Variants in CUL9 observed in about 807,000 individuals in gnomAD.
CUL9 encodes the protein cullin-9.
CUL9 carries 79 observed loss-of-function variants against 272.6 expected under a neutral mutation model. The ratio of observed to expected loss-of-function variants is 0.29; its 90% CI spans 0.24 to 0.35. CUL9 has a LOEUF of 0.35. Ranked by LOEUF, CUL9 falls within the 10% of genes least tolerant of loss-of-function variation. The probability of loss-of-function intolerance (pLI) is 1.00; values close to 1 mark genes in which losing one functional copy is unlikely to be tolerated. For synonymous variants in CUL9, 1,186 were observed against 1,286.5 expected (o/e 0.92, Z 1.67); for missense variants, 2,532 against 3,255.6 (o/e 0.78, Z 5.41).
At position 43,216,242 on chromosome 6, in the gene CUL9, G is replaced by T; in HGVS notation, c.6021G>T (p.Lys2007Asn). The change falls in exon 31 of 41, where the codon AAG becomes AAT. Residue 2007 changes from lysine to asparagine, a missense_variant. By Grantham distance (94) the Lys-to-Asn change is moderately conservative. Transcript: ENST00000252050. ...MSPQEVEGLMKQTVRQVQETL... is the reference protein window; with the variant it reads ...MSPQEVEGLMNQTVRQVQETL... ...CCCAGGAAGTAGAAGGGTTGATGAA[G>T]CAGACGGTGCGTCAGGTGCAGGAGA... 6.2e-7 allele frequency: 1 copy of T among 1,613,810 alleles called. No individual in the cohort carries two copies. Among genetic ancestry groups the T allele is most frequent in the Non-Finnish European group, 8.5e-7 (1 of 1,179,800 alleles).
chr6:43,216,073 G>T, intron 30 of CUL9, 85 bp from the exon 31 acceptor site: 1 of 1,288,576 alleles, frequency 7.8e-7, no homozygotes. Flanking sequence ...TGCTCAAAGA[G>T]GGAGCTGGGG....
Position 43,188,632 on chromosome 6 carries a change from T to C in CUL9, c.2097T>C (p.Leu699=). ...CCAGCTTGGACACAAACCTGCAGCT[T>C]TCAGGGCTCTCTGCCCTCTCTCAGG... The part of the protein sequence containing the change: ...QISSLDTNLQ[L]SGLSALSQAV... The change falls in exon 8 of 41, where the codon CTT becomes CTC. Residue 699 remains leucine, a synonymous_variant. Transcript: ENST00000252050. 1 of 1,614,146 alleles carries C rather than the reference T, an allele frequency of 6.2e-7. No homozygotes were observed. Among genetic ancestry groups the C allele is most frequent in the South Asian group, 1.1e-5 (1 of 91,084 alleles).
intron 26 of CUL9, among the ~76,000 whole-genome samples, chr6:43,209,493 T>C (rs1045770393): frequency 2.0e-5 from 3 of 151,550 alleles, no homozygotes; most frequent in Non-Finnish European, 4.4e-5. Context: ...TATGACTTCA[T>C]TTTTTTGTCC....
rs766481451 is a variant in CUL9 at position 43,213,182 on chromosome 6, A to G, written c.5246A>G (p.His1749Arg). Residue 1749 changes from histidine to arginine, a missense_variant, in exon 27 of 41, where the codon CAT becomes CGT. Around this residue, in one of 3 missense-constraint regions of CUL9, gnomAD observed 2,218 missense variants for 2,788.6 expected, o/e 0.80. Transcript: ENST00000252050. This position sits in a 1 kb window ranked among gnomAD's most constrained non-coding sequence, Gnocchi z 5.7. Reference sequence around the variant, plus strand: ...CATCCAGTCCTGGACATGGGACCACATCGGCGACTGCAGTGGACGTGGCTG... The same window carrying G: ...CATCCAGTCCTGGACATGGGACCACGTCGGCGACTGCAGTGGACGTGGCTG... ...QNHPVLDMGPHRRLQWTWLGR... is the reference protein window; with the variant it reads ...QNHPVLDMGPRRRLQWTWLGR... 6 of 1,614,152 alleles carry G rather than the reference A, an allele frequency of 3.7e-6. No homozygotes were observed. The highest frequency in any genetic ancestry group is 1.1e-5 in the South Asian group (1 of 91,076).
rs778523219 is a variant in CUL9, at chr6:43,196,084, G to A, written c.2404G>A (p.Ala802Thr). The A allele has an allele frequency of 6.2e-7, 1 of 1,612,888 alleles. No individual in the cohort carries two copies. The highest frequency in any genetic ancestry group is 8.5e-7 in the Non-Finnish European group (1 of 1,179,138). Residue 802 changes from alanine to threonine, a missense_variant, in exon 10 of 41, where the codon GCC becomes ACC. Physicochemically the swap from Ala to Thr is moderately conservative, Grantham distance 58 (BLOSUM62 0). This residue lies in a region of CUL9 where 2,218 missense variants were observed against 2,788.6 expected (regional missense o/e 0.80). Coordinates refer to ENST00000252050, the MANE Select transcript of CUL9 (RefSeq NM_015089.4). ...QAGLAALKML[A>T]VASSSEIPTF... ...CCCCTCACAGGCACTGAAGATGCTG[G>A]CCGTCGCCAGCTCCTCGGAGATCCC...
At position 43,185,457 on chromosome 6, in the gene CUL9, G is replaced by A. The variant is rs1265625223; in HGVS notation, c.597G>A (p.Gly199=). ...MLQALAAHDA[G]SRAHVLLSLS... ...ATATGGATTGGGTATGGATTACAGG[G>A]AGTCGGGCTCACGTCCTTCTATCAC... The change falls in exon 3 of 41, where the codon GGG becomes GGA. Residue 199 remains glycine, a splice_region_variant and synonymous_variant. Coordinates refer to ENST00000252050, the MANE Select transcript of CUL9 (RefSeq NM_015089.4). The A allele has an allele frequency of 1.9e-6, 3 of 1,613,402 alleles. No individual in the cohort carries two copies. Among genetic ancestry groups the A allele is most frequent in the Admixed American group, 1.7e-5 (1 of 60,020 alleles).
At position 43,184,696 on chromosome 6, in the gene CUL9, A is replaced by G. The variant is rs778326542; in HGVS notation, c.386A>G (p.Gln129Arg). 6 of 1,613,382 alleles carry G rather than the reference A, an allele frequency of 3.7e-6. No individual in the cohort carries two copies. In the South Asian group the frequency reaches 6.6e-5, roughly 18 times the overall value. Reference protein sequence around the residue: ...VQALVRRAARQLAESGTPSLT... With the variant: ...VQALVRRAARRLAESGTPSLT... ...GCGCTGGTACGCAGGGCGGCCAGGCAGCTGGCAGAAAGTGGGACCCCAAGC... is the reference window on the plus strand; with the variant it reads ...GCGCTGGTACGCAGGGCGGCCAGGCGGCTGGCAGAAAGTGGGACCCCAAGC... Residue 129 changes from glutamine (Q) to arginine (R), a missense_variant, in exon 2 of 41, where the codon CAG becomes CGG. Around this residue, in one of 3 missense-constraint regions of CUL9, gnomAD observed 2,218 missense variants for 2,788.6 expected, o/e 0.80. Coordinates refer to ENST00000252050, the MANE Select transcript of CUL9 (RefSeq NM_015089.4). The surrounding 1 kb of genome is among the most constrained non-coding windows in gnomAD (Gnocchi z 4.8).
At chr6:43,219,910 A>G (rs1186121766) in intron 31 of CUL9, among the ~76,000 whole-genome samples, 2 of 152,110 alleles carry the variant, frequency 1.3e-5, no homozygotes, top group African/African-American at 2.4e-5. Context: ...AACACTGGTG[A>G]CGAGGGGGAC....
chr6:43,221,059 C>T lies in CUL9; in HGVS notation c.6589-99C>T. 6.7e-7 allele frequency: 1 copy of T among 1,495,606 alleles called. No homozygotes were observed. The highest frequency in any genetic ancestry group is 1.3e-5 in the South Asian group (1 of 78,086). The allele number at this position is 1,495,606 out of a possible 1,614,324, so 92.6% of individuals were successfully genotyped here. A position where few individuals can be genotyped will look rare whatever the true frequency, so the allele number is the denominator to read the frequency against. Reference sequence around the variant, plus strand: ...GAGCTCTGTTCCTCTTCCTGGAGCCCTCCAAATGTGATCTGTGCCTGCTCC... The same window carrying T: ...GAGCTCTGTTCCTCTTCCTGGAGCCTTCCAAATGTGATCTGTGCCTGCTCC... On this transcript the variant is annotated intron_variant, in intron 33 of 40. Transcript: ENST00000252050. This position sits in a 1 kb window ranked among gnomAD's most constrained non-coding sequence, Gnocchi z 4.2.
chr6:43,210,759 GAATT>G (rs977110773), intron 26 of CUL9, among the ~76,000 whole-genome samples: 23 of 151,866 alleles, frequency 1.5e-4, no homozygotes, highest in African/African-American at 4.1e-4. Flanking sequence ...TAAACTCAAT[GAATT>G]AATTTATTAT....
At chr6:43,193,240 A>G in intron 9 of CUL9, 32 bp downstream of exon 9, 1 of 1,601,630 alleles carries the variant, frequency 6.2e-7, no homozygotes, top group South Asian at 1.1e-5. Flanking sequence ...GGAGAGAACA[A>G]TGGGCAAGAC....
chr6:43,215,538 C>T (rs1231088186), intron 30 of CUL9, among the ~76,000 whole-genome samples: 1 of 152,176 alleles, frequency 6.6e-6, no homozygotes, highest in Non-Finnish European at 1.5e-5. Context: ...TGAGTGCTAA[C>T]TATGTACTCT....
intron 8 of CUL9, among the ~76,000 whole-genome samples, chr6:43,189,260 GCT>G (rs1473965764): frequency 6.6e-6 from 1 of 151,780 alleles, no homozygotes; most frequent in African/African-American, 2.4e-5. Flanking sequence ...CGCGATCTCG[GCT>G]CACTGCAACC....
At chr6:43,183,467 A>G (rs1184626210) in intron 1 of CUL9, among the ~76,000 whole-genome samples, 2 of 152,020 alleles carry the variant, frequency 1.3e-5, no homozygotes, top group Non-Finnish European at 2.9e-5. Flanking sequence ...TTACTCTGTC[A>G]TTTATGCTCC....
chr6:43,189,827 C>T (rs1272263150), intron 8 of CUL9, among the ~76,000 whole-genome samples: 1 of 152,212 alleles, frequency 6.6e-6, no homozygotes, highest in Non-Finnish European at 1.5e-5. Context: ...AGCCACCATG[C>T]CCAGCCGCAT....
Position 43,200,612 on chromosome 6 carries a change from T to G in CUL9, c.3476-51T>G, listed in dbSNP as rs1172098617. 1.2e-6 allele frequency: 2 copies of G among 1,613,346 alleles called. No individual in the cohort carries two copies. The highest frequency in any genetic ancestry group is 1.7e-6 in the Non-Finnish European group (2 of 1,179,534). ...CCTGCTCCTTAGACCTTTTCCTTTT[T>G]CCTCTCAACTAACCTAGCTGTGACT... On this transcript the variant is annotated intron_variant, in intron 15 of 40. Transcript: ENST00000252050. The surrounding 1 kb of genome is among the most constrained non-coding windows in gnomAD (Gnocchi z 4.0).
In CUL9 at chr6:43,184,349, C is replaced by T. The variant is rs780806764; in HGVS notation, c.39C>T (p.Pro13=). The T allele has an allele frequency of 8.9e-6, 14 of 1,578,500 alleles. No homozygotes were observed. In the Admixed American group the frequency reaches 2.3e-4, roughly 26 times the overall value. Residue 13 remains proline (P), a synonymous_variant, in exon 2 of 41, where the codon CCC becomes CCT. Coordinates refer to ENST00000252050, the MANE Select transcript of CUL9 (RefSeq NM_015089.4). The surrounding 1 kb of genome is among the most constrained non-coding windows in gnomAD (Gnocchi z 4.8). The part of the protein sequence containing the change: ...GERHAGDLMV[P]LGPRLQAYPE... ...GGCATGCTGGGGACCTCATGGTGCC[C>T]TTAGGGCCTCGGCTGCAGGCATATC...
At chr6:43,187,187 G>T (rs539923389) in intron 5 of CUL9, 59 bp from the exon 6 acceptor site, 1 of 1,605,528 alleles carries the variant, frequency 6.2e-7, no homozygotes, top group African/African-American at 1.3e-5. Flanking sequence ...AGCCCTAGGG[G>T]TCCAGAAATA....
rs1488237825 is a variant in CUL9 at position 43,223,054 on chromosome 6, G to T, written c.7150+158G>T. ...CTCACTGCCTGGCTGTTAAAGCTCA[G>T]GTCGAAAGCCTACATTGTAAGGTGC... On this transcript the variant is annotated intron_variant, in intron 38 of 40. Transcript: ENST00000252050. The surrounding 1 kb of genome is among the most constrained non-coding windows in gnomAD (Gnocchi z 4.1). The T allele has an allele frequency of 2.9e-5, 26 of 902,084 alleles. No homozygotes were observed. Among genetic ancestry groups the T allele is most frequent in the Non-Finnish European group, 4.4e-5 (26 of 592,916 alleles). 55.9% of individuals were successfully genotyped at this position (902,084 alleles called of 1,614,324 possible).
Sources: gnomAD v4.1 joint callset for allele counts (sites outside exome capture counted in the v4.1 genomes callset) on GRCh38, gnomAD v4.1.1 for gene constraint, gnomAD v4.1.1 regional missense constraint, Gnocchi (gnomAD v3.1) non-coding constraint, MANE v1.5 for transcripts, NCBI Gene and HGNC (gene_info 2026-07-23, HGNC 2026-07-21) for gene names.